ULK4: variants seen among roughly 807,000 people sequenced by gnomAD.
The protein encoded by ULK4 is inactive serine/threonine-protein kinase ULK4.
In ULK4, 133 loss-of-function variants were observed where a neutral mutation model predicts 160.6. The observed-to-expected ratio is 0.83, with a 90% CI of 0.72 to 0.96. The LOEUF (loss-of-function observed/expected upper bound fraction) is 0.96. Among genes scored for constraint, ULK4 ranks in the 40% least tolerant of loss-of-function variants. ULK4 has a pLI of 0.00. For synonymous variants in ULK4, 534 were observed against 539.8 expected, an observed-to-expected ratio of 0.99 and a Z score of 0.15; for missense variants, 1,580 against 1,499.5, an observed-to-expected ratio of 1.05 and a Z score of -0.89.
In ULK4 at chr3:41,463,246, G is replaced by A; in HGVS notation, c.3234C>T (p.Val1078=). Residue 1078 remains valine (V), a synonymous_variant, in exon 33 of 37, where the codon GTC becomes GTT. Transcript: ENST00000301831. ...CAGTGAGCAGGTTACAGATGTGACT[G>A]ACAAGTCCTGAGGGTAAAAAAGGAA... ...NMELLYEQGL[V]SHICNLLTET... 1.9e-6 allele frequency: 3 copies of A among 1,612,174 alleles called. No individual in the cohort carries two copies. The highest frequency in any genetic ancestry group is 2.5e-6 in the Non-Finnish European group (3 of 1,178,728).
chr3:41,602,251 AAAAGGAAAGGAAAGGAAAGGAAAGG>A lies in ULK4; in HGVS notation c.3120+13393_3120+13417del, dbSNP rs56277936. ...AAGGAAAGGAAAGGGAAGGAAGAGA[AAAAGGAAAGGAAAGGAAAGGAAAGG>A]AAAGGAAAGGAAAGGAAAGGAAAGG... On this transcript the variant is annotated intron_variant, in intron 31 of 36. Coordinates refer to ENST00000301831, the MANE Select transcript of ULK4 (RefSeq NM_017886.4). Among the ~76,000 whole-genome samples, 406 of 86,726 alleles carry A rather than the reference AAAAGGAAAGGAAAGGAAAGGAAAGG, an allele frequency of 4.7e-3. 4 individuals carry two copies. The highest frequency in any genetic ancestry group is 0.026 in the East Asian group (81 of 3,088). 56.9% of individuals were successfully genotyped at this position (86,726 alleles called of 152,430 possible). A position where few individuals can be genotyped will look rare whatever the true frequency, so the allele number is the denominator to read the frequency against.
chr3:41,831,012 T>TTTATTTATTTATTTA (rs1553666492), intron 18 of ULK4, among the ~76,000 whole-genome samples: 12 of 96,902 alleles, frequency 1.2e-4, no homozygotes, highest in African/African-American at 4.8e-4. Context: ...TTATTATTTT[T>TTTATTTATTTATTTA]TTTATTTATT....
chr3:41,688,022 G>A (rs913440157), intron 27 of ULK4: 6 of 152,176 alleles, frequency 3.9e-5, no homozygotes, highest in East Asian at 1.9e-4. Flanking sequence ...CTCCCCACCC[G>A]GAAGTTAACA....
intron 35 of ULK4, among the ~76,000 whole-genome samples, chr3:41,273,685 G>C (rs1034730560): frequency 6.6e-6 from 1 of 152,156 alleles, no homozygotes; most frequent in Non-Finnish European, 1.5e-5. Context: ...TAGAGTGGGG[G>C]TGTGGGGAGG....
intron 35 of ULK4, among the ~76,000 whole-genome samples, chr3:41,387,500 T>C (rs57471983): frequency 0.025 from 3,766 of 152,236 alleles, 169 homozygotes; most frequent in African/African-American, 0.081. Flanking sequence ...ATTAGGTATA[T>C]CTCCTAATGC....
At chr3:41,415,021 A>C (rs1238614652) in intron 34 of ULK4, among the ~76,000 whole-genome samples, 1 of 152,222 alleles carries the variant, frequency 6.6e-6, no homozygotes, top group African/African-American at 2.4e-5. Flanking sequence ...AATCACAGAT[A>C]GGTAAGCTCA....
At chr3:41,557,821 T>C (rs2087357451) in intron 32 of ULK4, among the ~76,000 whole-genome samples, 2 of 151,916 alleles carry the variant, frequency 1.3e-5, no homozygotes, top group African/African-American at 2.4e-5. Context: ...TATATAATGG[T>C]GGAAAAGTCC....
At chr3:41,389,275 A>G (rs557203365) in intron 35 of ULK4, among the ~76,000 whole-genome samples, 4 of 152,290 alleles carry the variant, frequency 2.6e-5, no homozygotes, top group Middle Eastern at 3.4e-3. Flanking sequence ...TTTTGGGCTG[A>G]GACGATGAGG....
chr3:41,594,885 T>C (rs1383768975), intron 31 of ULK4, among the ~76,000 whole-genome samples: 5 of 151,412 alleles, frequency 3.3e-5, no homozygotes, highest in Non-Finnish European at 5.9e-5. Context: ...GTAATGGAGA[T>C]GGAGAAAAGG....
At chr3:41,818,046 C>CT (rs2041025825) in intron 19 of ULK4, among the ~76,000 whole-genome samples, 1 of 150,814 alleles carries the variant, frequency 6.6e-6, no homozygotes, top group South Asian at 2.1e-4. Context: ...GAAAGGACAA[C>CT]TCTTCCATAC....
At chr3:41,824,082 G>C (rs1263096793) in intron 18 of ULK4, among the ~76,000 whole-genome samples, 1 of 146,746 alleles carries the variant, frequency 6.8e-6, no homozygotes, top group East Asian at 2.0e-4. Context: ...AGAATTGCTT[G>C]AATCCAGGAG....
intron 35 of ULK4, among the ~76,000 whole-genome samples, chr3:41,358,679 G>C (rs1226709473): frequency 6.6e-6 from 1 of 152,210 alleles, no homozygotes; most frequent in Non-Finnish European, 1.5e-5. Context: ...TGAGCAGGAA[G>C]AAAAGTGGCC....
At chr3:41,384,851 C>T (rs1197777415) in intron 35 of ULK4, among the ~76,000 whole-genome samples, 1 of 152,166 alleles carries the variant, frequency 6.6e-6, no homozygotes, top group East Asian at 1.9e-4. Flanking sequence ...TCCCAAAGTA[C>T]TGGGATTACA....
chr3:41,353,378 G>A (rs1182389053), intron 35 of ULK4, among the ~76,000 whole-genome samples: 1 of 152,110 alleles, frequency 6.6e-6, no homozygotes, highest in Non-Finnish European at 1.5e-5. Flanking sequence ...AGCCAATAAT[G>A]ACTAAAGTAG....
At chr3:41,284,077 ACAC>A (rs1389103927) in intron 35 of ULK4, among the ~76,000 whole-genome samples, 3 of 152,200 alleles carry the variant, frequency 2.0e-5, no homozygotes, top group Non-Finnish European at 4.4e-5. Context: ...ATCATAGATG[ACAC>A]AAACAAATGG....
At chr3:41,292,771 C>T (rs1294002652) in intron 35 of ULK4, among the ~76,000 whole-genome samples, 2 of 151,434 alleles carry the variant, frequency 1.3e-5, no homozygotes, top group African/African-American at 2.4e-5. Context: ...TGGTGAAACC[C>T]CGTCTCTATT....
At chr3:41,809,197 AC>A (rs2040747163) in intron 19 of ULK4, among the ~76,000 whole-genome samples, 1 of 150,480 alleles carries the variant, frequency 6.6e-6, no homozygotes, top group South Asian at 2.1e-4. Flanking sequence ...ACAAAAAAAA[AC>A]AAAAAAGAAT....
Position 41,709,419 on chromosome 3 carries a change from G to A in ULK4, c.2635-4114C>T, listed in dbSNP as rs376686507. ...GTTTTGTTTTTTGAGACAGAGTCTCGCTCTGTCACCAGGCTGGAGTGCACT... is the reference window on the plus strand; with the variant it reads ...GTTTTGTTTTTTGAGACAGAGTCTCACTCTGTCACCAGGCTGGAGTGCACT... On this transcript the variant is annotated intron_variant, in intron 25 of 36. Coordinates refer to ENST00000301831, the MANE Select transcript of ULK4 (RefSeq NM_017886.4). Among the ~76,000 whole-genome samples the A allele has an allele frequency of 2.1e-4, 32 of 152,192 alleles. No homozygotes were observed. In the East Asian group the frequency reaches 4.1e-3, roughly 19 times the overall value.
chr3:41,706,849 A>ATATGTGTG (rs1338692017), intron 25 of ULK4, among the ~76,000 whole-genome samples: 2 of 102,368 alleles, frequency 2.0e-5, no homozygotes, highest in African/African-American at 1.0e-4. Flanking sequence ...AAAAAAAAAT[A>ATATGTGTG]TGTGTGTGTG....
Sources: gnomAD v4.1 joint callset for allele counts (sites outside exome capture counted in the v4.1 genomes callset) on GRCh38, gnomAD v4.1.1 for gene constraint, MANE v1.5 for transcripts, NCBI Gene and HGNC (gene_info 2026-07-23, HGNC 2026-07-21) for gene names.